PHACTR2: variants seen among roughly 807,000 people sequenced by gnomAD.
The protein encoded by PHACTR2 is phosphatase and actin regulator 2.
In PHACTR2, 30 loss-of-function variants were observed where a neutral mutation model predicts 76.0. That is an observed-to-expected ratio of 0.39 (90% CI 0.30 to 0.54). The LOEUF (loss-of-function observed/expected upper bound fraction) is 0.54, where lower values mean the gene tolerates loss of function less well. Among genes scored for constraint, PHACTR2 ranks in the 20% least tolerant of loss-of-function variants. The probability of loss-of-function intolerance (pLI) is 0.61; values close to 1 mark genes in which losing one functional copy is unlikely to be tolerated. For synonymous variants in PHACTR2, 292 were observed against 292.5 expected (o/e 1.00, Z 0.02); for missense variants, 696 against 781.1 (o/e 0.89, Z 1.30).
chr6:143,692,478 G>A (rs890767122), intron 1 of PHACTR2, among the ~76,000 whole-genome samples: 18 of 152,074 alleles, frequency 1.2e-4, no homozygotes, highest in Non-Finnish European at 1.9e-4. Context: ...ATGTTCTGTC[G>A]CTTGGAAAGT....
At chr6:143,701,089 G>T (rs764023928) in intron 1 of PHACTR2, among the ~76,000 whole-genome samples, 2 of 152,166 alleles carry the variant, frequency 1.3e-5, no homozygotes, top group South Asian at 4.2e-4. Context: ...AAATAAGAGC[G>T]ACTTTATTTA....
rs1775927702 is a variant in PHACTR2, at chr6:143,800,404, GGTGC to G, written c.1846-6652_1846-6649del. On this transcript the variant is annotated intron_variant, in intron 11 of 12. Coordinates refer to ENST00000440869, the MANE Select transcript of PHACTR2 (RefSeq NM_001100164.2). This position sits in a 1 kb window ranked among gnomAD's most constrained non-coding sequence, Gnocchi z 4.8. The stretch of plus-strand genomic sequence containing the variant: ...AGCCTCCTGAGTAGCTGGGACTACA[GGTGC>G]CCGCCACCATGCCCAGTTAATTTTT... Among the ~76,000 whole-genome samples the G allele has an allele frequency of 6.6e-6, 1 of 152,140 alleles. No homozygotes were observed. Among genetic ancestry groups the G allele is most frequent in the Non-Finnish European group, 1.5e-5 (1 of 68,038 alleles).
At position 143,733,108 on chromosome 6, in the gene PHACTR2, A is replaced by G. The variant is rs2128466088; in HGVS notation, c.215-15877A>G. Among the ~76,000 whole-genome samples the G allele has an allele frequency of 6.6e-6, 1 of 152,256 alleles. No individual in the cohort carries two copies. Among genetic ancestry groups the G allele is most frequent in the African/African-American group, 2.4e-5 (1 of 41,552 alleles). Reference sequence around the variant, plus strand: ...GAGATGGAGGCTTGCTCAGCTGCCCAGGCTGGGTGTCCAACTGGCTTCAAG... The same window carrying G: ...GAGATGGAGGCTTGCTCAGCTGCCCGGGCTGGGTGTCCAACTGGCTTCAAG... On this transcript the variant is annotated intron_variant, in intron 2 of 12. Transcript: ENST00000440869. The surrounding 1 kb of genome is among the most constrained non-coding windows in gnomAD (Gnocchi z 4.0).
chr6:143,576,875 CAAAAAAAAAAAA>C (rs35937662), intron 1 of PHACTR2, among the ~76,000 whole-genome samples: 13 of 102,558 alleles, frequency 1.3e-4, no homozygotes, highest in African/African-American at 3.8e-4. Flanking sequence ...GACTCTGTCT[CAAAAAAAAAAAA>C]AAAAAAAAAA....
chr6:143,705,497 T>C (rs1348996133), intron 1 of PHACTR2, among the ~76,000 whole-genome samples: 1 of 152,016 alleles, frequency 6.6e-6, no homozygotes, highest in Non-Finnish European at 1.5e-5. Flanking sequence ...GGTTTCACCA[T>C]GTTAGCCAAG....
rs1394841412 is a variant in PHACTR2, at chr6:143,760,289, T to A, written c.455-112T>A. On this transcript the variant is annotated intron_variant, in intron 4 of 12. Coordinates refer to ENST00000440869, the MANE Select transcript of PHACTR2 (RefSeq NM_001100164.2). The surrounding 1 kb of genome is among the most constrained non-coding windows in gnomAD (Gnocchi z 6.4). Reference sequence around the variant, plus strand: ...TGTCTGGTGCAGAACTCCATGCTGATTCTCAAGTACCAAGCAGACACGCTT... The same window carrying A: ...TGTCTGGTGCAGAACTCCATGCTGAATCTCAAGTACCAAGCAGACACGCTT... 2.1e-6 allele frequency: 2 copies of A among 939,594 alleles called. No homozygotes were observed. The highest frequency in any genetic ancestry group is 3.2e-6 in the Non-Finnish European group (2 of 627,908). 58.2% of individuals were successfully genotyped at this position (939,594 alleles called of 1,614,324 possible). A position where few individuals can be genotyped will look rare whatever the true frequency, so the allele number is the denominator to read the frequency against.
intron 1 of PHACTR2, among the ~76,000 whole-genome samples, chr6:143,644,467 CA>C (rs373621895): frequency 2.7e-5 from 3 of 111,508 alleles, no homozygotes; most frequent in Non-Finnish European, 3.5e-5. Flanking sequence ...GACTCCATCT[CA>C]AAAAAAAAAA....
chr6:143,761,710 C>T lies in PHACTR2; in HGVS notation c.694+1070C>T, dbSNP rs753109788. On this transcript the variant is annotated intron_variant, in intron 5 of 12. Transcript: ENST00000440869. The surrounding 1 kb of genome is among the most constrained non-coding windows in gnomAD (Gnocchi z 5.2). ...CAGAAGTTGCGGTGAGCTGAGATCG[C>T]GCCACTGCACTCCAGCCTGGGCGAC... 9.2e-5 allele frequency among the ~76,000 whole-genome samples: 14 copies of T among 151,832 alleles called. No homozygotes were observed. The highest frequency in any genetic ancestry group is 2.7e-4 in the African/African-American group (11 of 41,302).
rs1313178580 is a variant in PHACTR2 at position 143,546,852 on chromosome 6, C to A, written c.217+9645C>A. Among the ~76,000 whole-genome samples, 2 of 130,808 alleles carry A rather than the reference C, an allele frequency of 1.5e-5. No homozygotes were observed. Among genetic ancestry groups the A allele is most frequent in the East Asian group, 2.0e-4 (1 of 4,912 alleles). The allele number at this position is 130,808 out of a possible 152,430, so 85.8% of individuals were successfully genotyped here. On this transcript the variant is annotated intron_variant, in intron 1 of 11. Coordinates refer to the PHACTR2 transcript ENST00000367584. The surrounding 1 kb of genome is among the most constrained non-coding windows in gnomAD (Gnocchi z 4.9). ...ACAAGCCTGGGCAACATAGTGAGAC[C>A]CCATCTCAAAAAAAAAAAAAATAAA...
Position 143,581,888 on chromosome 6 carries a change from T to A in PHACTR2, c.217+44681T>A, listed in dbSNP as rs1258484219. On this transcript the variant is annotated intron_variant, in intron 1 of 11. Transcript: ENST00000367584. This position sits in a 1 kb window ranked among gnomAD's most constrained non-coding sequence, Gnocchi z 4.5. ...TATCCTGCCCTTGCCTAGACTTAGA[T>A]GAACCCAGTCTATTTTTTGCAGTTA... Among the ~76,000 whole-genome samples, 1 of 152,134 alleles carries A rather than the reference T, an allele frequency of 6.6e-6. No individual in the cohort carries two copies. Among genetic ancestry groups the A allele is most frequent in the Non-Finnish European group, 1.5e-5 (1 of 68,024 alleles).
rs1778904342 is a variant in PHACTR2, at chr6:143,739,985, G to A, written c.215-9000G>A. ...GATCTCGGACAAGAAAGAATTCAGG[G>A]GGAGTCCATAAAGTGAAGTGAAAGC... On this transcript the variant is annotated intron_variant, in intron 2 of 12. Transcript: ENST00000440869. This position sits in a 1 kb window ranked among gnomAD's most constrained non-coding sequence, Gnocchi z 4.3. Among the ~76,000 whole-genome samples the A allele has an allele frequency of 6.6e-6, 1 of 152,124 alleles. No homozygotes were observed. The highest frequency in any genetic ancestry group is 1.5e-5 in the Non-Finnish European group (1 of 68,014).
rs528912769 is a variant in PHACTR2, at chr6:143,583,387, T to C, written c.217+46180T>C. Among the ~76,000 whole-genome samples the C allele has an allele frequency of 4.6e-5, 7 of 152,384 alleles. No homozygotes were observed. Among genetic ancestry groups the C allele is most frequent in the Admixed American group, 6.5e-5 (1 of 15,310 alleles). On this transcript the variant is annotated intron_variant, in intron 1 of 11. Transcript: ENST00000367584. This position sits in a 1 kb window ranked among gnomAD's most constrained non-coding sequence, Gnocchi z 4.0. Reference sequence around the variant, plus strand: ...ATGACAATATGATCCCTTTCTCACTTTTATGATTGGTAAAAAATTGGTTTA... The same window carrying C: ...ATGACAATATGATCCCTTTCTCACTCTTATGATTGGTAAAAAATTGGTTTA...
rs1778863772 is a variant in PHACTR2, at chr6:143,738,234, C to T, written c.215-10751C>T. On this transcript the variant is annotated intron_variant, in intron 2 of 12. Coordinates refer to ENST00000440869, the MANE Select transcript of PHACTR2 (RefSeq NM_001100164.2). The surrounding 1 kb of genome is among the most constrained non-coding windows in gnomAD (Gnocchi z 4.0). ...AAACCAGTGGGGGGCGCCTGTAATC[C>T]CAGCTACTCAGGAGGCTGAGGCAGG... is the stretch of plus-strand genomic sequence containing the variant. 6.6e-6 allele frequency among the ~76,000 whole-genome samples: 1 copy of T among 151,962 alleles called. No individual in the cohort carries two copies. Among genetic ancestry groups the T allele is most frequent in the Admixed American group, 6.6e-5 (1 of 15,242 alleles).
intron 2 of PHACTR2, among the ~76,000 whole-genome samples, chr6:143,741,379 G>T (rs952125978): frequency 6.6e-6 from 1 of 152,196 alleles, no homozygotes; most frequent in Non-Finnish European, 1.5e-5. Context: ...TGTAATCCCA[G>T]CTACTCAGTA....
rs551961930 is a variant in PHACTR2 at position 143,557,070 on chromosome 6, A to G, written c.217+19863A>G. ...CATCTCTCTCCAAAATATGTTCTCC[A>G]TGTGGTTCGGCAAGAGGATTCACTT... On this transcript the variant is annotated intron_variant, in intron 1 of 11. Transcript: ENST00000367584. This position sits in a 1 kb window ranked among gnomAD's most constrained non-coding sequence, Gnocchi z 5.5. 1.1e-4 allele frequency among the ~76,000 whole-genome samples: 16 copies of G among 152,298 alleles called. No homozygotes were observed. The East Asian group carries it at 1.4e-3, about 13-fold the overall frequency.
chr6:143,626,961 A>G (rs778136695), intron 1 of PHACTR2, among the ~76,000 whole-genome samples: 18 of 152,242 alleles, frequency 1.2e-4, no homozygotes, highest in Non-Finnish European at 2.2e-4. Flanking sequence ...ACTTTACAAG[A>G]CAAACTAAAA....
chr6:143,558,133 T>C lies in PHACTR2; in HGVS notation c.217+20926T>C, dbSNP rs1451363644. ...TCATTTTTGCCCTGGATCCAGCGCC[T>C]ATAGATGGAAAGAGATTTATAAGAA... On this transcript the variant is annotated intron_variant, in intron 1 of 11. Coordinates refer to the PHACTR2 transcript ENST00000367584. This position sits in a 1 kb window ranked among gnomAD's most constrained non-coding sequence, Gnocchi z 4.7. 6.6e-6 allele frequency: 1 copy of C among 152,128 alleles called. No individual in the cohort carries two copies. Among genetic ancestry groups the C allele is most frequent in the Non-Finnish European group, 1.5e-5 (1 of 68,022 alleles). The allele number at this position is 152,128 out of a possible 1,614,324, so 9.4% of individuals were successfully genotyped here.
chr6:143,665,586 C>A (rs1003350441), intron 1 of PHACTR2, among the ~76,000 whole-genome samples: 1 of 152,198 alleles, frequency 6.6e-6, no homozygotes, highest in Admixed American at 6.5e-5. Flanking sequence ...CTCCCACACC[C>A]CACATTCAAT....
At chr6:143,721,212 T>A (rs1778436371) in intron 2 of PHACTR2, among the ~76,000 whole-genome samples, 1 of 152,174 alleles carries the variant, frequency 6.6e-6, no homozygotes, top group African/African-American at 2.4e-5. Context: ...AATAATGCAT[T>A]ATTGCCTCTG....
Sources: gnomAD v4.1 joint callset for allele counts (sites outside exome capture counted in the v4.1 genomes callset) on GRCh38, gnomAD v4.1.1 for gene constraint, Gnocchi (gnomAD v3.1) non-coding constraint, MANE v1.5 for transcripts, NCBI Gene and HGNC (gene_info 2026-07-23, HGNC 2026-07-21) for gene names.